Variants in CDK5RAP3 observed in about 807,000 individuals in gnomAD.
The protein encoded by CDK5RAP3 is CDK5 regulatory subunit-associated protein 3.
CDK5RAP3 carries 58 observed loss-of-function variants against 73.3 expected under a neutral mutation model. The observed-to-expected ratio is 0.79, with a 90% CI of 0.64 to 0.98. The LOEUF (loss-of-function observed/expected upper bound fraction) is 0.98. Ranked by LOEUF, CDK5RAP3 falls within the 50% of genes least tolerant of loss-of-function variation. CDK5RAP3 has a pLI of 0.00. For synonymous variants in CDK5RAP3, 224 were observed against 247.5 expected, an observed-to-expected ratio of 0.91 and a Z score of 0.89; for missense variants, 525 against 615.8, an observed-to-expected ratio of 0.85 and a Z score of 1.56.
chr17:47,975,090 G>T, intron 5 of CDK5RAP3, 69 bp from the exon 6 acceptor site: 1 of 1,613,178 alleles, frequency 6.2e-7, no homozygotes, highest in African/African-American at 1.3e-5. Context: ...CAAAGGATGT[G>T]TGTGCATCCT....
rs769340685 is a variant in CDK5RAP3, at chr17:47,981,271, G to C, written c.1392G>C (p.Glu464Asp). ...AGAAGCAGCAGGAGGCACTTGAGGA[G>C]CAGGCGGCTCTGGAGCCTAAGCTGG... is the stretch of plus-strand genomic sequence containing the variant. ...MVQKQQEALE[E>D]QAALEPKLDL... Residue 464 changes from glutamate (E) to aspartate (D), a missense_variant, in exon 13 of 14, where the codon GAG becomes GAC. This residue lies in a region of CDK5RAP3 where 116 missense variants were observed against 186.1 expected (regional missense o/e 0.62). Coordinates refer to ENST00000338399, the MANE Select transcript of CDK5RAP3 (RefSeq NM_176096.3). 5.6e-6 allele frequency: 9 copies of C among 1,614,246 alleles called. No homozygotes were observed. The highest frequency in any genetic ancestry group is 6.8e-6 in the Non-Finnish European group (8 of 1,180,042).
At chr17:47,978,069 G>GT (rs71366815) in intron 10 of CDK5RAP3, 159 bp downstream of exon 10, 32,525 of 295,486 alleles carry the variant, frequency 0.11, 157 homozygotes, top group South Asian at 0.14. Flanking sequence ...ACCAAGAGAG[G>GT]TTTTTTTTTT....
At chr17:47,970,818 C>T (rs2036241333), upstream of CDK5RAP3, 7 of 1,422,652 alleles carry the variant, frequency 4.9e-6, no homozygotes, top group Non-Finnish European at 6.6e-6. Flanking sequence ...GGGGAAGCGG[C>T]TGCCAGGCTG....
In CDK5RAP3 at chr17:47,976,018, G is replaced by A; in HGVS notation, c.798+5G>A. On this transcript the variant is annotated splice_donor_5th_base_variant and intron_variant, in intron 8 of 13. Transcript: ENST00000338399. ...GAGCAGGTGGCAGAAGATGCGGTAAGATGGGCCTTGTGATGAGCTGTAGGA... is the reference window on the plus strand; with the variant it reads ...GAGCAGGTGGCAGAAGATGCGGTAAAATGGGCCTTGTGATGAGCTGTAGGA... 1 of 1,613,718 alleles carries A rather than the reference G, an allele frequency of 6.2e-7. No individual in the cohort carries two copies. The highest frequency in any genetic ancestry group is 8.5e-7 in the Non-Finnish European group (1 of 1,179,960).
chr17:47,975,284 G>T lies in CDK5RAP3; in HGVS notation c.460G>T (p.Ala154Ser), dbSNP rs1375300955. Residue 154 changes from alanine (A) to serine (S), a missense_variant, in exon 6 of 14, where the codon GCT becomes TCT. Around this residue, in one of 2 missense-constraint regions of CDK5RAP3, gnomAD observed 409 missense variants for 429.8 expected, o/e 0.95. Transcript: ENST00000338399. ...SRKEEECQAG[A>S]AEMREQFYHS... ...CAAGGAGGAGGAGTGCCAGGCAGGG[G>T]CTGCCGAGATGCGGGAGCAGTTCTA... The T allele has an allele frequency of 3.1e-6, 5 of 1,614,178 alleles. No individual in the cohort carries two copies. Among genetic ancestry groups the T allele is most frequent in the Non-Finnish European group, 4.2e-6 (5 of 1,180,034 alleles).
chr17:47,971,196 C>T lies in CDK5RAP3; in HGVS notation c.6+44C>T, dbSNP rs781106583. ...GGTGTGCTGGGGACTGGCCGCGGAC[C>T]CCTAACCTGTGTCTCCGGTCTCCCT... On this transcript the variant is annotated intron_variant, in intron 1 of 13. Coordinates refer to ENST00000338399, the MANE Select transcript of CDK5RAP3 (RefSeq NM_176096.3). 21 of 1,532,588 alleles carry T rather than the reference C, an allele frequency of 1.4e-5. No homozygotes were observed. The East Asian group carries it at 4.7e-4, about 34-fold the overall frequency. The allele number at this position is 1,532,588 out of a possible 1,614,324, so 94.9% of individuals were successfully genotyped here.
intron 2 of CDK5RAP3, 117 bp from the exon 3 acceptor site, chr17:47,973,402 T>C: frequency 8.4e-7 from 1 of 1,185,432 alleles, no homozygotes; most frequent in Non-Finnish European, 1.2e-6. Context: ...ATGACCCCCA[T>C]ACTTTAACCA....
chr17:47,980,776 T>C lies in CDK5RAP3; in HGVS notation c.1261T>C (p.Phe421Leu), dbSNP rs2036534357. 1 of 1,614,046 alleles carries C rather than the reference T, an allele frequency of 6.2e-7. No homozygotes were observed. Among genetic ancestry groups the C allele is most frequent in the Admixed American group, 1.7e-5 (1 of 60,008 alleles). Reference protein sequence around the residue: ...KLTSLQLQHLFMILASPRYVD... With the variant: ...KLTSLQLQHLLMILASPRYVD... ...TACCAGTCTTCAGCTGCAACACCTG[T>C]TTATGATCCTGGCCTCACCAAGGTC... Residue 421 changes from phenylalanine to leucine, a missense_variant, in exon 12 of 14, where the codon TTT becomes CTT. Physicochemically the swap from Phe to Leu is conservative, Grantham distance 22. Transcript: ENST00000338399.
chr17:47,975,431 C>A, intron 6 of CDK5RAP3, 83 bp from the exon 7 acceptor site: 1 of 1,607,554 alleles, frequency 6.2e-7, no homozygotes, highest in Non-Finnish European at 8.5e-7. Context: ...GGTTGCACCC[C>A]CTTTGGGCCA....
intron 12 of CDK5RAP3, 122 bp downstream of exon 12, chr17:47,980,920 G>C (rs944823136): frequency 2.0e-5 from 21 of 1,060,744 alleles, no homozygotes; most frequent in Non-Finnish European, 2.7e-5. Context: ...CCATCCACTG[G>C]GGATAGGGGT....
chr17:47,975,995 G>A lies in CDK5RAP3; in HGVS notation c.780G>A (p.Glu260=), dbSNP rs1567725033. 1 of 1,614,108 alleles carries A rather than the reference G, an allele frequency of 6.2e-7. No homozygotes were observed. The highest frequency in any genetic ancestry group is 2.2e-5 in the East Asian group (1 of 44,892). The part of the protein sequence containing the change: ...VERPHLEELP[E]QVAEDAIDWG... ...GACCCCACCTCGAGGAGCTTCCTGA[G>A]CAGGTGGCAGAAGATGCGGTAAGAT... Residue 260 remains glutamate, a synonymous_variant, in exon 8 of 14, where the codon GAG becomes GAA. Coordinates refer to ENST00000338399, the MANE Select transcript of CDK5RAP3 (RefSeq NM_176096.3).
chr17:47,971,403 G>T lies in CDK5RAP3; in HGVS notation c.48G>T (p.Leu16=). The T allele has an allele frequency of 6.2e-7, 1 of 1,606,318 alleles. No homozygotes were observed. Among genetic ancestry groups the T allele is most frequent in the Non-Finnish European group, 8.5e-7 (1 of 1,176,548 alleles). The part of the protein sequence containing the change: ...HVPIDIQTSK[L]LDWLVDRRHC... ...CCATCGACATCCAGACCAGCAAGCT[G>T]CTCGGTAGGAGGGGGCGCCACCGCG... Residue 16 remains leucine (L), a synonymous_variant, in exon 2 of 14, where the codon CTG becomes CTT. Transcript: ENST00000338399.
intron 9 of CDK5RAP3, 78 bp downstream of exon 9, chr17:47,976,900 G>T: frequency 1.2e-6 from 1 of 844,942 alleles, no homozygotes; most frequent in Non-Finnish European, 1.9e-6. Flanking sequence ...GTCTGTAACG[G>T]CATCACTTGA....
upstream of CDK5RAP3, chr17:47,971,031 A>T (rs575567319): frequency 2.2e-5 from 34 of 1,526,766 alleles, 1 homozygote; most frequent in East Asian, 6.1e-4. Flanking sequence ...GAAGGCGGCG[A>T]CGTGGCCGAA....
Position 47,973,996 on chromosome 17 carries a change from A to G in CDK5RAP3, c.250A>G (p.Asn84Asp). Residue 84 changes from asparagine to aspartate, a missense_variant, in exon 4 of 14, where the codon AAT becomes GAT. Physicochemically the swap from Asn to Asp is conservative, Grantham distance 23. Around this residue, in one of 2 missense-constraint regions of CDK5RAP3, gnomAD observed 409 missense variants for 429.8 expected, o/e 0.95. Coordinates refer to ENST00000338399, the MANE Select transcript of CDK5RAP3 (RefSeq NM_176096.3). ...LLKGTEASTK[N>D]IFGRYSSQRM... ...CAAAGGCACAGAGGCCTCCACGAAG[A>G]ATATTTTTGGCCGATACTCTTCACA... The G allele has an allele frequency of 6.2e-7, 1 of 1,614,142 alleles. No homozygotes were observed. Among genetic ancestry groups the G allele is most frequent in the Non-Finnish European group, 8.5e-7 (1 of 1,179,972 alleles).
intron 9 of CDK5RAP3, among the ~76,000 whole-genome samples, chr17:47,977,518 A>T (rs2036443612): frequency 6.6e-6 from 1 of 152,170 alleles, no homozygotes; most frequent in Admixed American, 6.5e-5. Flanking sequence ...ACCTCAGGTG[A>T]TCCACCTGCC....
In CDK5RAP3 at chr17:47,978,901, T is replaced by C; in HGVS notation, c.1061T>C (p.Leu354Pro). 1 of 1,612,928 alleles carries C rather than the reference T, an allele frequency of 6.2e-7. No individual in the cohort carries two copies. Among genetic ancestry groups the C allele is most frequent in the Non-Finnish European group, 8.5e-7 (1 of 1,178,984 alleles). The change falls in exon 11 of 14, where the codon CTT becomes CCT. Residue 354 changes from leucine to proline, a missense_variant. Transcript: ENST00000338399. Reference protein sequence around the residue: ...LEYTETRNQFLDELMELEIFL... With the variant: ...LEYTETRNQFPDELMELEIFL... ...TACACTGAGACCCGGAATCAGTTCCTTGATGAGCTCATGGAGGTACTGTCA... is the reference window on the plus strand; with the variant it reads ...TACACTGAGACCCGGAATCAGTTCCCTGATGAGCTCATGGAGGTACTGTCA...
At chr17:47,973,805 T>A in intron 3 of CDK5RAP3, 126 bp from the exon 4 acceptor site, 1 of 1,232,764 alleles carries the variant, frequency 8.1e-7, no homozygotes, top group Non-Finnish European at 1.2e-6. Flanking sequence ...CACTATGAAA[T>A]GATTTAGGGA....
intron 10 of CDK5RAP3, 76 bp downstream of exon 10, chr17:47,977,986 G>A: frequency 1.9e-6 from 2 of 1,051,490 alleles, no homozygotes; most frequent in African/African-American, 1.6e-5. Flanking sequence ...AACAAAAAAT[G>A]CAGCGCTAAG....
Sources: gnomAD v4.1 joint callset for allele counts (sites outside exome capture counted in the v4.1 genomes callset) on GRCh38, gnomAD v4.1.1 for gene constraint, gnomAD v4.1.1 regional missense constraint, MANE v1.5 for transcripts, NCBI Gene and HGNC (gene_info 2026-07-23, HGNC 2026-07-21) for gene names.